The following TPTE2 variants were observed in gnomAD, a reference collection of about 807,000 sequenced individuals.
TPTE2 encodes transmembrane phosphoinositide 3-phosphatase and tensin homolog 2.
Under a neutral mutation model 78.6 loss-of-function variants are expected in TPTE2, and 53 were observed. The ratio of observed to expected loss-of-function variants is 0.67; its 90% CI spans 0.54 to 0.85. The LOEUF is 0.85. Ranked by LOEUF, TPTE2 falls within the 40% of genes least tolerant of loss-of-function variation. The probability of loss-of-function intolerance (pLI) is 0.00; values close to 1 mark genes in which losing one functional copy is unlikely to be tolerated. For missense variants in TPTE2, 461 were observed against 623.0 expected, an observed-to-expected ratio of 0.74 and a Z score of 2.77; for synonymous variants, 175 against 206.2, an observed-to-expected ratio of 0.85 and a Z score of 1.30.
chr13:19,519,092 T>C (rs1489513372), intron 1 of TPTE2, among the ~76,000 whole-genome samples: 1 of 152,164 alleles, frequency 6.6e-6, no homozygotes, highest in East Asian at 1.9e-4. Flanking sequence ...GAAGAAAATT[T>C]CCTCAGGCTC....
At chr13:19,497,140 G>A (rs866305162) in intron 1 of TPTE2, among the ~76,000 whole-genome samples, 3 of 152,088 alleles carry the variant, frequency 2.0e-5, no homozygotes, top group African/African-American at 7.2e-5. Context: ...ACCTGTCTTG[G>A]AGGGTCCTAC....
the TPTE2 span, among the ~76,000 whole-genome samples, chr13:19,546,483 CTTTTTTTT>C: frequency 1.2e-5 from 1 of 85,022 alleles, no homozygotes; most frequent in Middle Eastern, 0.013. Flanking sequence ...TTTTCTTTTT[CTTTTTTTT>C]TTTTTTTTTT....
exon 16 of TPTE2, chr13:19,432,527 G>C (rs1873736341): frequency 6.2e-7 from 1 of 1,607,098 alleles, no homozygotes; most frequent in African/African-American, 1.3e-5. Flanking sequence ...CTTGGAGGGA[G>C]ATTCCAGTTG....
chr13:19,558,160 G>A, the TPTE2 span, among the ~76,000 whole-genome samples: 6 of 152,166 alleles, frequency 3.9e-5, no homozygotes, highest in Non-Finnish European at 8.8e-5. Context: ...CCAACCAAGT[G>A]ATTGTTTTTA....
the TPTE2 span, among the ~76,000 whole-genome samples, chr13:19,551,000 G>C: frequency 6.6e-6 from 1 of 151,986 alleles, no homozygotes; most frequent in Non-Finnish European, 1.5e-5. Flanking sequence ...TGAGGACTTG[G>C]AACATCCAAG....
intron 4 of TPTE2, 91 bp from the exon 8 acceptor site, chr13:19,475,714 A>T: frequency 7.5e-7 from 1 of 1,326,158 alleles, no homozygotes; most frequent in South Asian, 1.5e-5. Flanking sequence ...ATATAATTTT[A>T]AAAGAAAATT....
At chr13:19,520,425 T>C (rs929854133) in intron 1 of TPTE2, among the ~76,000 whole-genome samples, 4 of 152,044 alleles carry the variant, frequency 2.6e-5, no homozygotes, top group African/African-American at 9.7e-5. Flanking sequence ...CCAGATTATC[T>C]AAGAGTTTAG....
In TPTE2 at chr13:19,465,548, G is replaced by A. The variant is rs538397448; in HGVS notation, c.529C>T (p.Arg177Ter). Residue 177 changes from arginine (R) to a stop codon, truncating the protein, a stop_gained, in exon 8 of 20, where the codon CGA becomes TGA. Transcript: ENST00000400230. LOFTEE classifies it high-confidence loss of function. ...ATCAGAATAATAAGTCGTAGAAGTC[G>A]AACTAAATGTGTCCATCTAACAATA... 54 of 1,592,652 alleles carry A rather than the reference G, an allele frequency of 3.4e-5. 1 individual carries two copies. The East Asian group carries it at 4.2e-4, about 13-fold the overall frequency.
intron 13 of TPTE2, among the ~76,000 whole-genome samples, chr13:19,438,687 G>A (rs1877282136): frequency 6.6e-6 from 1 of 152,100 alleles, no homozygotes; most frequent in Non-Finnish European, 1.5e-5. Flanking sequence ...TTCCAAGATG[G>A]CAGATTACAG....
At chr13:19,431,288 G>A (rs1383639870) in intron 16 of TPTE2, among the ~76,000 whole-genome samples, 1 of 152,040 alleles carries the variant, frequency 6.6e-6, no homozygotes, top group Non-Finnish European at 1.5e-5. Context: ...GCCAGTTCCT[G>A]ATGCAATCTC....
intron 1 of TPTE2, among the ~76,000 whole-genome samples, chr13:19,528,707 C>T (rs1489990630): frequency 6.6e-6 from 1 of 152,178 alleles, no homozygotes; most frequent in Non-Finnish European, 1.5e-5. Flanking sequence ...GATATGACTC[C>T]TCCTTAAGTC....
At chr13:19,437,038 GACACAC>G (rs376691875) in intron 14 of TPTE2, among the ~76,000 whole-genome samples, 7 of 145,904 alleles carry the variant, frequency 4.8e-5, no homozygotes, top group Non-Finnish European at 9.1e-5. Context: ...AAACCTAGGA[GACACAC>G]ACACACACAC....
At chr13:19,507,708 T>C (rs1423410815), upstream of TPTE2, among the ~76,000 whole-genome samples, 1 of 152,208 alleles carries the variant, frequency 6.6e-6, no homozygotes, top group Non-Finnish European at 1.5e-5. Flanking sequence ...TTGTAACAGA[T>C]AGCTGTGTCT....
At chr13:19,427,064 T>TG (rs922439414) in intron 17 of TPTE2, among the ~76,000 whole-genome samples, 1 of 146,646 alleles carries the variant, frequency 6.8e-6, no homozygotes, top group African/African-American at 2.6e-5. Context: ...CTTTTCTTTT[T>TG]TTTTCTTTTC....
intron 1 of TPTE2, among the ~76,000 whole-genome samples, chr13:19,530,018 T>C (rs1050441358): frequency 6.6e-6 from 1 of 152,172 alleles, no homozygotes; most frequent in East Asian, 1.9e-4. Context: ...ATTCCTGCAT[T>C]TGTGGTCATC....
the TPTE2 span, chr13:19,560,412 G>A: frequency 1.3e-5 from 21 of 1,609,268 alleles, no homozygotes; most frequent in Middle Eastern, 2.1e-4. Flanking sequence ...CTTCATCCAG[G>A]ACTAAGTCCT....
intron 4 of TPTE2, among the ~76,000 whole-genome samples, chr13:19,482,123 T>G (rs1338244043): frequency 6.6e-6 from 1 of 151,960 alleles, no homozygotes; most frequent in African/African-American, 2.4e-5. Flanking sequence ...ATAGGGAAAA[T>G]CTACAAAATT....
chr13:19,560,477 C>G, the TPTE2 span: 2 of 1,597,908 alleles, frequency 1.3e-6, no homozygotes, highest in Admixed American at 3.3e-5. Context: ...ACACCCGGCA[C>G]CAGCACCTCC....
Position 19,424,967 on chromosome 13 carries a change from C to T in TPTE2, c.1446G>A (p.Thr482=), listed in dbSNP as rs201240281. The T allele has an allele frequency of 3.2e-4, 488 of 1,526,156 alleles. 4 individuals carry two copies. The South Asian group carries it at 5.3e-3, about 16-fold the overall frequency. The allele number at this position is 1,526,156 out of a possible 1,614,324, so 94.5% of individuals were successfully genotyped here. A position where few individuals can be genotyped will look rare whatever the true frequency, so the allele number is the denominator to read the frequency against. ...CATACCTGTTATTTTGAATAAAAGA[C>T]GTGTTGAACCAGAAGAAAAATGGAC... The change falls in exon 19 of 20, where the codon ACG becomes ACA. Residue 482 remains threonine (T), a synonymous_variant. Transcript: ENST00000400230.
Sources: allele counts gnomAD v4.1 joint callset (sites outside exome capture counted in the v4.1 genomes callset), GRCh38; gene constraint gnomAD v4.1.1; transcripts MANE v1.5; gene names NCBI Gene and HGNC (gene_info 2026-07-23, HGNC 2026-07-21).